The following PRXL2C variants were observed in gnomAD, a reference collection of about 807,000 sequenced individuals.
PRXL2C encodes the protein peroxiredoxin-like 2C.
PRXL2C carries 38 observed loss-of-function variants against 24.9 expected under a neutral mutation model. The ratio of observed to expected loss-of-function variants is 1.53; its 90% CI spans 1.18 to 2.00. The LOEUF is 2.00. Ranked by LOEUF, PRXL2C falls within the 30% of genes most tolerant of loss-of-function variation. PRXL2C has a pLI of 0.00. For synonymous variants in PRXL2C, 98 were observed against 117.2 expected (o/e 0.84, Z 1.06); for missense variants, 294 against 290.9 (o/e 1.01, Z -0.08).
chr9:96,648,494 C>G (rs1045500310), intron 4 of PRXL2C, among the ~76,000 whole-genome samples: 1 of 151,782 alleles, frequency 6.6e-6, no homozygotes, highest in African/African-American at 2.4e-5. Context: ...CCTTAGTTTT[C>G]AAGTAAGACT....
intron 2 of PRXL2C, among the ~76,000 whole-genome samples, chr9:96,652,589 T>C (rs1162531060): frequency 1.3e-5 from 2 of 150,300 alleles, no homozygotes; most frequent in Admixed American, 1.3e-4. Context: ...TACTCATCAG[T>C]GAAATACAAA....
chr9:96,648,308 A>G (rs1848222870), intron 4 of PRXL2C, among the ~76,000 whole-genome samples: 1 of 152,190 alleles, frequency 6.6e-6, no homozygotes, highest in African/African-American at 2.4e-5. Flanking sequence ...TTTGTTGTCA[A>G]GCACAATCTA....
intron 4 of PRXL2C, among the ~76,000 whole-genome samples, chr9:96,651,130 T>C (rs776426067): frequency 3.0e-4 from 45 of 152,026 alleles, no homozygotes; most frequent in Non-Finnish European, 4.9e-4. Context: ...TATAAAAAAT[T>C]AGCTGGGCGT....
intron 5 of PRXL2C, among the ~76,000 whole-genome samples, chr9:96,644,354 T>C (rs1031983664): frequency 6.6e-6 from 1 of 152,116 alleles, no homozygotes; most frequent in Non-Finnish European, 1.5e-5. Context: ...TACACTTAGA[T>C]GTCCACAATC....
chr9:96,654,668 G>A (rs1383586932), intron 2 of PRXL2C, 37 bp downstream of exon 2: 8 of 1,543,992 alleles, frequency 5.2e-6, no homozygotes, highest in Non-Finnish European at 6.1e-6. Context: ...AAGGTCTGCA[G>A]AAGCGGGCAC....
chr9:96,651,121 A>G (rs1848259140), intron 4 of PRXL2C, among the ~76,000 whole-genome samples: 1 of 152,114 alleles, frequency 6.6e-6, no homozygotes, highest in African/African-American at 2.4e-5. Context: ...TACTAAAAAT[A>G]TAAAAAATTA....
rs772717406 is a variant in PRXL2C at position 96,645,861 on chromosome 9, G to C, written c.553+32C>G. The C allele has an allele frequency of 8.9e-6, 14 of 1,566,086 alleles. 1 individual carries two copies. In the South Asian group the frequency reaches 1.5e-4, roughly 17 times the overall value. On this transcript the variant is annotated intron_variant, in intron 5 of 5. Coordinates refer to ENST00000375234, the MANE Select transcript of PRXL2C (RefSeq NM_153698.2). Reference sequence around the variant, plus strand: ...TCTGAACTTGTAAAAAGCACAAGACGTCTACTGCTGAACCTGGGCTTTGAT... The same window carrying C: ...TCTGAACTTGTAAAAAGCACAAGACCTCTACTGCTGAACCTGGGCTTTGAT...
In PRXL2C at chr9:96,641,526, TCA is replaced by T. The variant is rs1848114937; in HGVS notation, c.*231_*232del. 1 of 327,416 alleles carries T rather than the reference TCA, an allele frequency of 3.1e-6. No individual in the cohort carries two copies. Among genetic ancestry groups the T allele is most frequent in the Non-Finnish European group, 5.5e-6 (1 of 182,782 alleles). 20.3% of individuals were successfully genotyped at this position (327,416 alleles called of 1,614,324 possible). On this transcript the variant is annotated 3_prime_UTR_variant, in exon 6 of 6. Coordinates refer to ENST00000375234, the MANE Select transcript of PRXL2C (RefSeq NM_153698.2). Reference sequence around the variant, plus strand: ...GCTTTTAAAGTTATATTTTGTATATTCATTTTTTTTGTATAAAATGTTAAAAG... The same window carrying T: ...GCTTTTAAAGTTATATTTTGTATATTTTTTTTTTGTATAAAATGTTAAAAG...
intron 5 of PRXL2C, among the ~76,000 whole-genome samples, chr9:96,642,687 A>G (rs529569824): frequency 1.6e-4 from 25 of 152,076 alleles, no homozygotes; most frequent in Non-Finnish European, 2.5e-4. Flanking sequence ...CTGGGACTAC[A>G]GGCTTGCACC....
chr9:96,641,763 A>G lies in PRXL2C; in HGVS notation c.677T>C (p.Val226Ala), dbSNP rs1383640140. 7 of 1,567,770 alleles carry G rather than the reference A, an allele frequency of 4.5e-6. No individual in the cohort carries two copies. Among genetic ancestry groups the G allele is most frequent in the Middle Eastern group, 1.7e-4 (1 of 5,776 alleles). The change falls in exon 6 of 6, where the codon GTG (valine) becomes GCG (alanine). Residue 226 changes from valine (V) to alanine (A), a missense_variant. Coordinates refer to ENST00000375234, the MANE Select transcript of PRXL2C (RefSeq NM_153698.2). ...AGTGACTGAGTGCATTTTAAGTCAC[A>G]CATGGATAACTGAAGGTCTGTTTGT... ...NFTNRPSVIHV is the reference protein window; with the variant it reads ...NFTNRPSVIHA
Position 96,641,715 on chromosome 9 carries a change from A to C in PRXL2C, c.*44T>G, listed in dbSNP as rs761143298. The C allele has an allele frequency of 1.6e-5, 25 of 1,516,108 alleles. No individual in the cohort carries two copies. The African/African-American group carries it at 3.4e-4, about 21-fold the overall frequency. The allele number at this position is 1,516,108 out of a possible 1,614,324, so 93.9% of individuals were successfully genotyped here. On this transcript the variant is annotated 3_prime_UTR_variant, in exon 6 of 6. Coordinates refer to ENST00000375234, the MANE Select transcript of PRXL2C (RefSeq NM_153698.2). ...ATATTACACCCAGGCATTGAAGGTC[A>C]CATTCCAGAAGGTCCAGTTGAAAGT... is the stretch of plus-strand genomic sequence containing the variant.
chr9:96,642,492 C>T (rs1320922536), intron 5 of PRXL2C, among the ~76,000 whole-genome samples: 1 of 151,336 alleles, frequency 6.6e-6, no homozygotes, highest in African/African-American at 2.4e-5. Flanking sequence ...TTCTTGAACT[C>T]AAGACCAGAA....
intron 4 of PRXL2C, among the ~76,000 whole-genome samples, chr9:96,647,164 T>C (rs563541791): frequency 2.6e-5 from 4 of 152,320 alleles, no homozygotes; most frequent in Non-Finnish European, 5.9e-5. Flanking sequence ...GGCTTAGCTG[T>C]GACAACAGCC....
At chr9:96,654,886 G>A (rs1442353470) in intron 1 of PRXL2C, 113 bp from the exon 2 acceptor site, 16 of 1,243,260 alleles carry the variant, frequency 1.3e-5, no homozygotes, top group South Asian at 4.9e-5. Context: ...CCGCGGGGCC[G>A]GGACCGGCGG....
chr9:96,655,273 C>T lies in PRXL2C; in HGVS notation c.9G>A (p.Ala3=), dbSNP rs571342728. Reference sequence around the variant, plus strand: ...TAACCTGCCGCGTGACCGGGGCCGGCGCGGCCATGACGCGGGGCGGCCGAG... The same window carrying T: ...TAACCTGCCGCGTGACCGGGGCCGGTGCGGCCATGACGCGGGGCGGCCGAG... MA[A]PAPVTRQVSG... The change falls in exon 1 of 6, where the codon GCG becomes GCA. Residue 3 remains alanine, a synonymous_variant. Transcript: ENST00000375234. 617 of 1,072,260 alleles carry T rather than the reference C, an allele frequency of 5.8e-4. 6 individuals carry two copies. The African/African-American group carries it at 9.6e-3, about 17-fold the overall frequency. The allele number at this position is 1,072,260 out of a possible 1,614,324, so 66.4% of individuals were successfully genotyped here.
At chr9:96,654,676 C>G in intron 2 of PRXL2C, 29 bp downstream of exon 2, 5 of 1,550,174 alleles carry the variant, frequency 3.2e-6, no homozygotes, top group Non-Finnish European at 4.4e-6. Flanking sequence ...CAGAAGCGGG[C>G]ACTGGGCCGC....
chr9:96,646,125 A>T, intron 4 of PRXL2C, 101 bp from the exon 5 acceptor site: 1 of 1,264,200 alleles, frequency 7.9e-7, no homozygotes, highest in Non-Finnish European at 1.1e-6. Context: ...CCTTTAAAGA[A>T]TGGTTTCTCA....
rs944059756 is a variant in PRXL2C, at chr9:96,640,058, A to C, written c.*1701T>G. On this transcript the variant is annotated 3_prime_UTR_variant, in exon 6 of 6. Transcript: ENST00000375234. The stretch of plus-strand genomic sequence containing the variant: ...CAGTGAGCCGAGATCGTGCCATTGC[A>C]CTCCATCCTGTGCAACAAGAGTGAA... 8.0e-5 allele frequency: 12 copies of C among 149,906 alleles called. No individual in the cohort carries two copies. The highest frequency in any genetic ancestry group is 2.7e-4 in the African/African-American group (11 of 40,196). 9.3% of individuals were successfully genotyped at this position (149,906 alleles called of 1,614,324 possible).
At chr9:96,654,571 A>C (rs1040520194) in intron 2 of PRXL2C, 134 bp downstream of exon 2, 1 of 731,980 alleles carries the variant, frequency 1.4e-6, no homozygotes, top group Non-Finnish European at 2.3e-6. Context: ...CTCCTTTTGG[A>C]GGGGCGAGGG....
Sources: gnomAD v4.1 joint callset for allele counts (sites outside exome capture counted in the v4.1 genomes callset) on GRCh38, gnomAD v4.1.1 for gene constraint, MANE v1.5 for transcripts, NCBI Gene and HGNC (gene_info 2026-07-23, HGNC 2026-07-21) for gene names.